The following CNGB3 variants were observed in gnomAD, a reference collection of about 807,000 sequenced individuals.
CNGB3 encodes the protein cyclic nucleotide-gated channel beta-3.
A neutral mutation model predicts 92.8 loss-of-function variants in CNGB3; 86 were observed. The observed-to-expected ratio is 0.93, with a 90% CI of 0.78 to 1.11. The LOEUF (loss-of-function observed/expected upper bound fraction) is 1.11, where lower values mean the gene tolerates loss of function less well. Among genes scored for constraint, CNGB3 ranks in the 50% least tolerant of loss-of-function variants. The pLI is 0.00. For missense variants in CNGB3, 1,026 were observed against 956.8 expected, an observed-to-expected ratio of 1.07 and a Z score of -0.95; for synonymous variants, 333 against 332.7, an observed-to-expected ratio of 1.00 and a Z score of -0.01.
At chr8:86,728,785 G>A (rs1376086956) in intron 2 of CNGB3, among the ~76,000 whole-genome samples, 1 of 152,100 alleles carries the variant, frequency 6.6e-6, no homozygotes, top group Non-Finnish European at 1.5e-5. Flanking sequence ...GTTTCTAGGA[G>A]TACTTACCCT....
intron 15 of CNGB3, among the ~76,000 whole-genome samples, chr8:86,589,299 T>C (rs1367739622): frequency 6.6e-6 from 1 of 151,284 alleles, no homozygotes; most frequent in Admixed American, 6.6e-5. Flanking sequence ...GATCCTGGAT[T>C]CATTAATTTT....
In CNGB3 at chr8:86,722,826, A is replaced by T. The variant is rs1188028221; in HGVS notation, c.338+3705T>A. Among the ~76,000 whole-genome samples, 6 of 152,206 alleles carry T rather than the reference A, an allele frequency of 3.9e-5. No individual in the cohort carries two copies. The East Asian group carries it at 1.2e-3, about 29-fold the overall frequency. On this transcript the variant is annotated intron_variant, in intron 3 of 17. Coordinates refer to ENST00000320005, the MANE Select transcript of CNGB3 (RefSeq NM_019098.5). The stretch of plus-strand genomic sequence containing the variant: ...GGTCTCAAGTTTGCTGGCTTTTTGG[A>T]CTGGAACTTATAACATTGGCTCTTC...
chr8:86,738,168 G>A (rs1310328518), intron 2 of CNGB3, among the ~76,000 whole-genome samples: 2 of 150,974 alleles, frequency 1.3e-5, no homozygotes, highest in Admixed American at 1.3e-4. Flanking sequence ...ATTTAACAAA[G>A]CATATTCTGT....
intron 11 of CNGB3, among the ~76,000 whole-genome samples, chr8:86,631,065 T>C (rs1180037441): frequency 2.0e-5 from 3 of 152,216 alleles, no homozygotes; most frequent in African/African-American, 7.2e-5. Context: ...TCTCTTGTGG[T>C]CTACTACCAC....
chr8:86,704,016 A>T (rs1563760917), intron 3 of CNGB3: 1 of 152,114 alleles, frequency 6.6e-6, no homozygotes, highest in African/African-American at 2.4e-5. Context: ...GGGGCACTAG[A>T]CCTCCTGTGT....
intron 3 of CNGB3, among the ~76,000 whole-genome samples, chr8:86,698,697 G>T (rs996070287): frequency 1.3e-5 from 2 of 152,136 alleles, no homozygotes; most frequent in African/African-American, 4.8e-5. Context: ...AGGTGGTGGT[G>T]GTTGGTGGGA....
At chr8:86,660,016 A>T in intron 6 of CNGB3, 1 of 347,708 alleles carries the variant, frequency 2.9e-6, no homozygotes, top group Non-Finnish European at 5.9e-6. Flanking sequence ...CATGATTCTG[A>T]GGTGCCGCCA....
chr8:86,712,869 G>A (rs971955044), intron 3 of CNGB3, among the ~76,000 whole-genome samples: 1 of 150,626 alleles, frequency 6.6e-6, no homozygotes, highest in African/African-American at 2.4e-5. Context: ...AGGATTACAG[G>A]CATGTGATAC....
intron 11 of CNGB3, among the ~76,000 whole-genome samples, chr8:86,631,076 A>G (rs1363094261): frequency 2.0e-5 from 3 of 152,164 alleles, no homozygotes; most frequent in Admixed American, 6.5e-5. Context: ...CTACTACCAC[A>G]TTTTCAGTGA....
intron 3 of CNGB3, 125 bp from the exon 4 acceptor site, chr8:86,671,223 T>G: frequency 9.7e-7 from 1 of 1,030,878 alleles, no homozygotes. Flanking sequence ...TGCAATTGAA[T>G]AGCACAATTC....
At chr8:86,615,103 A>G (rs535012026) in intron 13 of CNGB3, among the ~76,000 whole-genome samples, 1 of 152,338 alleles carries the variant, frequency 6.6e-6, no homozygotes, top group African/African-American at 2.4e-5. Flanking sequence ...GAGTTAAAGT[A>G]TACAGGAGGA....
intron 14 of CNGB3, among the ~76,000 whole-genome samples, chr8:86,610,889 A>ATC (rs1822504389): frequency 2.6e-5 from 4 of 152,320 alleles, no homozygotes; most frequent in Admixed American, 2.6e-4. Context: ...CATAGACTGA[A>ATC]ACATCATGCA....
intron 3 of CNGB3, among the ~76,000 whole-genome samples, chr8:86,673,893 A>G (rs1823913965): frequency 6.6e-6 from 1 of 152,218 alleles, no homozygotes; most frequent in Admixed American, 6.5e-5. Context: ...CAGTTCTGAC[A>G]ATAAGAACTT....
chr8:86,643,992 T>A, intron 9 of CNGB3, 119 bp from the exon 10 acceptor site: 1 of 978,854 alleles, frequency 1.0e-6, no homozygotes, highest in Non-Finnish European at 1.5e-6. Context: ...TGTGAACTGT[T>A]AACTCTCATT....
At chr8:86,616,953 C>T (rs1822633337) in intron 13 of CNGB3, among the ~76,000 whole-genome samples, 1 of 152,116 alleles carries the variant, frequency 6.6e-6, no homozygotes, top group South Asian at 2.1e-4. Flanking sequence ...TCCTTAGTGT[C>T]TCATCAGGGT....
At chr8:86,669,069 C>T (rs527381581) in intron 4 of CNGB3, among the ~76,000 whole-genome samples, 2 of 152,086 alleles carry the variant, frequency 1.3e-5, no homozygotes, top group South Asian at 4.1e-4. Context: ...TGTTTGTCTA[C>T]ACTGAAATAT....
In CNGB3 at chr8:86,650,653, C is replaced by CA. The variant is rs558990294; in HGVS notation, c.904-2767dup. Among the ~76,000 whole-genome samples the CA allele has an allele frequency of 2.6e-4, 39 of 151,594 alleles. No homozygotes were observed. In the East Asian group the frequency reaches 7.5e-3, roughly 29 times the overall value. On this transcript the variant is annotated intron_variant, in intron 7 of 17. Transcript: ENST00000320005. ...CCTGAAAGTGGCCATATTAAAAAGC[C>CA]AAAAAACAATAGATGTTGGCATGGA...
rs140792668 is a variant in CNGB3 at position 86,623,680 on chromosome 8, A to G, written c.1578+2303T>C. 2.0e-3 allele frequency among the ~76,000 whole-genome samples: 299 copies of G among 152,332 alleles called. 2 individuals are homozygous for G. The highest frequency in any genetic ancestry group is 6.6e-3 in the African/African-American group (275 of 41,582). ...CCACATGATTTTTGAAGAAGACACC[A>G]TTATCCAAATCATAGCAACATCCAA... On this transcript the variant is annotated intron_variant, in intron 13 of 17. Transcript: ENST00000320005.
chr8:86,610,804 T>C (rs73271549), intron 14 of CNGB3, among the ~76,000 whole-genome samples: 3,614 of 152,272 alleles, frequency 0.024, 149 homozygotes, highest in African/African-American at 0.081. Flanking sequence ...ATCAGAAATA[T>C]GCAAAAATAT....
Sources: gnomAD v4.1 joint callset for allele counts (sites outside exome capture counted in the v4.1 genomes callset) on GRCh38, gnomAD v4.1.1 for gene constraint, MANE v1.5 for transcripts, NCBI Gene and HGNC (gene_info 2026-07-23, HGNC 2026-07-21) for gene names.